Variants in SLCO1B3 observed in about 807,000 individuals in gnomAD.
The protein encoded by SLCO1B3 is liver-specific organic anion transporter 2.
Under a neutral mutation model 71.8 loss-of-function variants are expected in SLCO1B3, and 72 were observed. That is an observed-to-expected ratio of 1.00 (90% CI 0.83 to 1.22). The LOEUF (loss-of-function observed/expected upper bound fraction) is 1.22. Among genes scored for constraint, SLCO1B3 ranks in the 50% most tolerant of loss-of-function variants. The pLI, the probability that SLCO1B3 is intolerant of heterozygous loss-of-function variation, is 0.00. For missense variants in SLCO1B3, 911 were observed against 819.7 expected (o/e 1.11, Z -1.36); for synonymous variants, 298 against 278.4 (o/e 1.07, Z -0.70).
At chr12:20,911,024 C>G (rs911809833) in intron 15 of SLCO1B3, among the ~76,000 whole-genome samples, 1 of 151,620 alleles carries the variant, frequency 6.6e-6, no homozygotes, top group Non-Finnish European at 1.5e-5. Context: ...TTGGCTTGTT[C>G]CAACCTTATA....
intron 15 of SLCO1B3, among the ~76,000 whole-genome samples, chr12:20,905,903 T>C (rs1490552090): frequency 6.6e-6 from 1 of 152,164 alleles, no homozygotes; most frequent in Non-Finnish European, 1.5e-5. Flanking sequence ...CCAGTACCAA[T>C]ATTCTCTATT....
At chr12:20,894,381 G>T in intron 13 of SLCO1B3, among the ~76,000 whole-genome samples, 1 of 152,212 alleles carries the variant, frequency 6.6e-6, no homozygotes, top group South Asian at 2.1e-4. Context: ...ATGTAGGGGT[G>T]AGTGTGTGTG....
At chr12:20,857,493 C>CT (rs1865165634) in intron 4 of SLCO1B3, among the ~76,000 whole-genome samples, 1 of 151,778 alleles carries the variant, frequency 6.6e-6, no homozygotes, top group Non-Finnish European at 1.5e-5. Flanking sequence ...GTGATGTCAT[C>CT]TTTTATATCA....
intron 4 of SLCO1B3, among the ~76,000 whole-genome samples, chr12:20,857,652 A>T (rs1865168054): frequency 6.6e-6 from 1 of 152,000 alleles, no homozygotes; most frequent in Non-Finnish European, 1.5e-5. Flanking sequence ...TTTTAAAAAA[A>T]GTTTCTACTC....
At chr12:20,896,023 G>A (rs1279810924) in intron 13 of SLCO1B3, among the ~76,000 whole-genome samples, 1 of 152,200 alleles carries the variant, frequency 6.6e-6, no homozygotes, top group East Asian at 1.9e-4. Context: ...GTCCCTTTCA[G>A]CCACAGCTGG....
intron 3 of SLCO1B3, among the ~76,000 whole-genome samples, chr12:20,816,754 G>T (rs1030288828): frequency 6.6e-6 from 1 of 152,162 alleles, no homozygotes; most frequent in African/African-American, 2.4e-5. Flanking sequence ...TCAATTTTTA[G>T]TTCCTTGAGG....
intron 3 of SLCO1B3, among the ~76,000 whole-genome samples, chr12:20,829,677 T>G (rs1864498887): frequency 6.6e-6 from 1 of 152,130 alleles, no homozygotes; most frequent in Non-Finnish European, 1.5e-5. Flanking sequence ...AGTGAAAAGT[T>G]AAAGCAAGTT....
chr12:20,852,715 T>A (rs1432853922), intron 3 of SLCO1B3, among the ~76,000 whole-genome samples: 1 of 152,208 alleles, frequency 6.6e-6, no homozygotes. Context: ...TGAGATTTTC[T>A]TAATTTCCTT....
At chr12:20,843,424 T>C (rs1270107793) in intron 3 of SLCO1B3, among the ~76,000 whole-genome samples, 3 of 152,162 alleles carry the variant, frequency 2.0e-5, no homozygotes, top group Non-Finnish European at 4.4e-5. Context: ...TATATTTCCT[T>C]ATAGTTGAAT....
rs770413001 is a variant in SLCO1B3 at position 20,875,219 on chromosome 12, T to G, written c.728-16T>G. 6.2e-7 allele frequency: 1 copy of G among 1,611,642 alleles called. No homozygotes were observed. The highest frequency in any genetic ancestry group is 2.2e-5 in the East Asian group (1 of 44,874). ...AAAACGATTTTTGACTGGCTTCTTT[T>G]AACTGTTTCTCCTAGGCACTATCAG... is the stretch of plus-strand genomic sequence containing the variant. On this transcript the variant is annotated splice_polypyrimidine_tract_variant and intron_variant, in intron 8 of 15. Coordinates refer to ENST00000381545, the MANE Select transcript of SLCO1B3 (RefSeq NM_019844.4).
At chr12:20,811,286 A>G (rs1864106427) in intron 1 of SLCO1B3, among the ~76,000 whole-genome samples, 1 of 152,130 alleles carries the variant, frequency 6.6e-6, no homozygotes, top group Non-Finnish European at 1.5e-5. Flanking sequence ...GATTTTCTAG[A>G]TAACTTTTTT....
intron 8 of SLCO1B3, among the ~76,000 whole-genome samples, chr12:20,870,193 C>G (rs960387465): frequency 2.0e-5 from 3 of 151,974 alleles, no homozygotes; most frequent in Admixed American, 1.3e-4. Flanking sequence ...TATTTTTTTG[C>G]TATGGAGTTG....
At chr12:20,884,760 C>A (rs1224389561) in intron 13 of SLCO1B3, among the ~76,000 whole-genome samples, 5 of 150,800 alleles carry the variant, frequency 3.3e-5, no homozygotes, top group Non-Finnish European at 7.4e-5. Flanking sequence ...CAGCCAACAG[C>A]ATGACATGGT....
chr12:20,895,408 G>C (rs1865985684), intron 13 of SLCO1B3, among the ~76,000 whole-genome samples: 1 of 152,160 alleles, frequency 6.6e-6, no homozygotes, highest in African/African-American at 2.4e-5. Flanking sequence ...GGTAAATACA[G>C]CCTTTCCAAA....
Position 20,874,002 on chromosome 12 carries a change from A to G in SLCO1B3, c.728-1233A>G, listed in dbSNP as rs1865528577. Among the ~76,000 whole-genome samples, 3 of 152,164 alleles carry G rather than the reference A, an allele frequency of 2.0e-5. No individual in the cohort carries two copies. The South Asian group carries it at 6.2e-4, about 31-fold the overall frequency. On this transcript the variant is annotated intron_variant, in intron 8 of 15. Transcript: ENST00000381545. ...GTACCACATTTGCCTTATACAGTCT[A>G]TCATTGATGGGTATTTGGGTTGGTT...
rs1415768772 is a variant in SLCO1B3, at chr12:20,862,479, A to G, written c.549A>G (p.Ile183Met). The change falls in exon 7 of 16, where the codon ATA becomes ATG. Residue 183 changes from isoleucine (I) to methionine (M), a missense_variant. By Grantham distance (10) the Ile-to-Met change is conservative. Coordinates refer to ENST00000381545, the MANE Select transcript of SLCO1B3 (RefSeq NM_019844.4). ...TCATGGGGAATATGCTTCGTGGCAT[A>G]GGGGAAACCCCCATAGTACCATTGG... is the stretch of plus-strand genomic sequence containing the variant. The part of the protein sequence containing the change: ...YVFMGNMLRG[I>M]GETPIVPLGI... The G allele has an allele frequency of 6.2e-7, 1 of 1,612,880 alleles. No homozygotes were observed. Among genetic ancestry groups the G allele is most frequent in the Admixed American group, 1.7e-5 (1 of 59,910 alleles).
At chr12:20,835,647 C>G (rs575311393) in intron 3 of SLCO1B3, among the ~76,000 whole-genome samples, 3 of 152,280 alleles carry the variant, frequency 2.0e-5, no homozygotes, top group East Asian at 3.9e-4. Flanking sequence ...ACTTTATTGT[C>G]CATATCAGTA....
At chr12:20,825,154 A>G (rs1234858414) in intron 3 of SLCO1B3, among the ~76,000 whole-genome samples, 1 of 152,122 alleles carries the variant, frequency 6.6e-6, no homozygotes, top group Non-Finnish European at 1.5e-5. Context: ...GTTTTTTTAA[A>G]TTAAAAAGTG....
chr12:20,854,166 G>T (rs990715444), intron 3 of SLCO1B3, among the ~76,000 whole-genome samples: 2 of 152,070 alleles, frequency 1.3e-5, no homozygotes, highest in East Asian at 3.9e-4. Flanking sequence ...CTGGAGAAAA[G>T]ATGTATTCTG....
Sources: allele counts gnomAD v4.1 joint callset (sites outside exome capture counted in the v4.1 genomes callset), GRCh38; gene constraint gnomAD v4.1.1; transcripts MANE v1.5; gene names NCBI Gene and HGNC (gene_info 2026-07-23, HGNC 2026-07-21).